The following NETO1 variants were observed in gnomAD, a reference collection of about 807,000 sequenced individuals.
The protein encoded by NETO1 is neuropilin and tolloid like 1, also known as neuropilin and tolloid-like protein 1.
Under a neutral mutation model 61.3 loss-of-function variants are expected in NETO1, and 26 were observed. That is an observed-to-expected ratio of 0.42 (90% CI 0.31 to 0.59). NETO1 has a LOEUF of 0.59. NETO1 is among the 20% of genes least tolerant of loss of function. NETO1 has a pLI of 0.12. For missense variants in NETO1, 531 were observed against 662.8 expected, an observed-to-expected ratio of 0.80 and a Z score of 2.18; for synonymous variants, 225 against 225.8, an observed-to-expected ratio of 1.00 and a Z score of 0.03.
chr18:72,783,472 A>G (rs1422101986), intron 7 of NETO1, among the ~76,000 whole-genome samples: 1 of 152,222 alleles, frequency 6.6e-6, no homozygotes, highest in African/African-American at 2.4e-5. Context: ...TATGGTGCAT[A>G]TGTTGAAATA....
chr18:72,844,465 CTG>C (rs1291908166), intron 4 of NETO1, among the ~76,000 whole-genome samples: 2 of 152,198 alleles, frequency 1.3e-5, no homozygotes, highest in Non-Finnish European at 2.9e-5. Context: ...CTAAAATTGT[CTG>C]TGAATCACTG....
chr18:72,804,289 G>A (rs756913543), intron 4 of NETO1, among the ~76,000 whole-genome samples: 1 of 152,098 alleles, frequency 6.6e-6, no homozygotes, highest in African/African-American at 2.4e-5. Flanking sequence ...CCTTATCTTT[G>A]TATCATGGGT....
intron 4 of NETO1, among the ~76,000 whole-genome samples, chr18:72,805,637 A>G (rs2072651053): frequency 6.6e-6 from 1 of 152,166 alleles, no homozygotes; most frequent in Admixed American, 6.5e-5. Flanking sequence ...AAATGGTAGG[A>G]CTTGAAATCA....
chr18:72,762,239 C>T (rs12373201), intron 7 of NETO1, among the ~76,000 whole-genome samples: 119 of 151,894 alleles, frequency 7.8e-4, no homozygotes, highest in Middle Eastern at 3.4e-3. Flanking sequence ...CCACTCACCG[C>T]GACCTCTGCC....
chr18:72,779,952 C>G (rs906185342), intron 7 of NETO1, among the ~76,000 whole-genome samples: 1 of 152,080 alleles, frequency 6.6e-6, no homozygotes, highest in Non-Finnish European at 1.5e-5. Context: ...TGTGTTCTCA[C>G]CTGGTGGAAA....
intron 4 of NETO1, among the ~76,000 whole-genome samples, chr18:72,817,720 A>G (rs1399584089): frequency 6.6e-6 from 1 of 152,232 alleles, no homozygotes; most frequent in Non-Finnish European, 1.5e-5. Flanking sequence ...GAAAGTAAGA[A>G]AAGTGATTAG....
chr18:72,844,498 C>T (rs1000283683), intron 4 of NETO1, among the ~76,000 whole-genome samples: 2 of 152,176 alleles, frequency 1.3e-5, no homozygotes, highest in African/African-American at 2.4e-5. Flanking sequence ...CAGAGTTGTT[C>T]GCAATCTGAA....
intron 4 of NETO1, among the ~76,000 whole-genome samples, chr18:72,829,934 C>G (rs1172981566): frequency 6.6e-6 from 1 of 152,174 alleles, no homozygotes; most frequent in Non-Finnish European, 1.5e-5. Flanking sequence ...GGTTGGCACA[C>G]TTCTGAATAT....
chr18:72,760,437 C>G (rs1227226193), intron 7 of NETO1, among the ~76,000 whole-genome samples: 1 of 152,142 alleles, frequency 6.6e-6, no homozygotes, highest in African/African-American at 2.4e-5. Context: ...TTGAAGAGTC[C>G]TGCCAACAGG....
chr18:72,811,904 C>A (rs775450186), intron 4 of NETO1, among the ~76,000 whole-genome samples: 1 of 152,304 alleles, frequency 6.6e-6, no homozygotes, highest in East Asian at 1.9e-4. Flanking sequence ...CTCTCTGTCT[C>A]GTTTACATCC....
intron 7 of NETO1, among the ~76,000 whole-genome samples, chr18:72,775,218 C>A (rs1362857678): frequency 6.6e-6 from 1 of 152,114 alleles, no homozygotes; most frequent in African/African-American, 2.4e-5. Flanking sequence ...TTTTCAGTGC[C>A]CTTATGCTCT....
At chr18:72,785,489 T>C (rs1295398592) in intron 6 of NETO1, among the ~76,000 whole-genome samples, 1 of 152,164 alleles carries the variant, frequency 6.6e-6, no homozygotes, top group Admixed American at 6.5e-5. Flanking sequence ...TAATAAAAAC[T>C]AGTTTACTCC....
chr18:72,810,038 T>C (rs559889133), intron 4 of NETO1, among the ~76,000 whole-genome samples: 2 of 152,346 alleles, frequency 1.3e-5, no homozygotes, highest in South Asian at 2.1e-4. Flanking sequence ...AAATAAAACA[T>C]TGTGTCTAAT....
intron 7 of NETO1, among the ~76,000 whole-genome samples, chr18:72,759,692 C>T (rs1053590997): frequency 6.6e-6 from 1 of 152,230 alleles, no homozygotes; most frequent in Non-Finnish European, 1.5e-5. Flanking sequence ...AGAAACTAAA[C>T]TCAGCATCCT....
At chr18:72,826,627 G>A (rs1313320210) in intron 4 of NETO1, among the ~76,000 whole-genome samples, 4 of 151,906 alleles carry the variant, frequency 2.6e-5, no homozygotes, top group Non-Finnish European at 4.4e-5. Flanking sequence ...GGAAACTATG[G>A]ACTGTATTTC....
chr18:72,773,604 C>T (rs554612585), intron 7 of NETO1, among the ~76,000 whole-genome samples: 5 of 152,160 alleles, frequency 3.3e-5, no homozygotes, highest in African/African-American at 4.8e-5. Flanking sequence ...CCTGTTCTCA[C>T]GATAGTGAGT....
chr18:72,852,156 C>T (rs2074269741), intron 4 of NETO1, among the ~76,000 whole-genome samples: 1 of 152,210 alleles, frequency 6.6e-6, no homozygotes, highest in Non-Finnish European at 1.5e-5. Flanking sequence ...CTCTTCTTTT[C>T]TCCACCTCTC....
At chr18:72,807,492 T>C (rs1207727013) in intron 4 of NETO1, among the ~76,000 whole-genome samples, 1 of 152,184 alleles carries the variant, frequency 6.6e-6, no homozygotes, top group Non-Finnish European at 1.5e-5. Flanking sequence ...TGAGAAAACG[T>C]AACTCTTATA....
intron 6 of NETO1, among the ~76,000 whole-genome samples, chr18:72,784,415 G>T (rs1231042509): frequency 6.6e-6 from 1 of 152,062 alleles, no homozygotes; most frequent in African/African-American, 2.4e-5. Flanking sequence ...CTTCATTTTT[G>T]AGTCGAAGTA....
Sources: gnomAD v4.1 joint callset for allele counts (sites outside exome capture counted in the v4.1 genomes callset) on GRCh38, gnomAD v4.1.1 for gene constraint, MANE v1.5 for transcripts, NCBI Gene and HGNC (gene_info 2026-07-23, HGNC 2026-07-21) for gene names.